CCDC126: variants seen among roughly 807,000 people sequenced by gnomAD.
CCDC126 encodes coiled-coil domain-containing protein 126.
Under a neutral mutation model 11.7 loss-of-function variants are expected in CCDC126, and 5 were observed. That is an observed-to-expected ratio of 0.43 (90% CI 0.22 to 0.90). The LOEUF is 0.90. Ranked by LOEUF, CCDC126 falls within the 40% of genes least tolerant of loss-of-function variation. The pLI, the probability that CCDC126 is intolerant of heterozygous loss-of-function variation, is 0.27. For synonymous variants in CCDC126, 60 were observed against 61.9 expected (o/e 0.97, Z 0.14); for missense variants, 150 against 163.1 (o/e 0.92, Z 0.44).
At chr7:23,623,675 G>A (rs1312447232) in intron 3 of CCDC126, among the ~76,000 whole-genome samples, 2 of 151,856 alleles carry the variant, frequency 1.3e-5, no homozygotes, top group Non-Finnish European at 2.9e-5. Context: ...ACTTTATTGA[G>A]TTCTGTTGTA....
intron 3 of CCDC126, among the ~76,000 whole-genome samples, chr7:23,614,326 G>A (rs1027188287): frequency 2.6e-5 from 4 of 152,088 alleles, no homozygotes; most frequent in South Asian, 2.1e-4. Context: ...TTGCTCTTCC[G>A]TAAGAGCAGC....
At chr7:23,612,101 G>A (rs1007702518) in intron 3 of CCDC126, among the ~76,000 whole-genome samples, 9 of 149,092 alleles carry the variant, frequency 6.0e-5, no homozygotes, top group Non-Finnish European at 1.2e-4. Flanking sequence ...AGCTGAGATC[G>A]CGCCGCTGCA....
intron 3 of CCDC126, 125 bp from the exon 4 acceptor site, chr7:23,642,806 G>A: frequency 4.2e-6 from 3 of 708,884 alleles, no homozygotes; most frequent in South Asian, 4.2e-5. Flanking sequence ...TAGTATGAGT[G>A]CATTCTCTCT....
At chr7:23,633,240 C>T (rs996135055) in intron 3 of CCDC126, among the ~76,000 whole-genome samples, 1 of 152,192 alleles carries the variant, frequency 6.6e-6, no homozygotes, top group African/African-American at 2.4e-5. Context: ...GATCCGCCTG[C>T]CTCGGCCTCC....
chr7:23,600,486 C>CT (rs977109856), intron 2 of CCDC126, among the ~76,000 whole-genome samples: 2 of 147,220 alleles, frequency 1.4e-5, no homozygotes, highest in Non-Finnish European at 3.0e-5. Context: ...CTGTGGAGGA[C>CT]TTTTTTTTGG....
intron 3 of CCDC126, 142 bp downstream of exon 3, chr7:23,611,695 G>A: frequency 1.6e-6 from 1 of 635,186 alleles, no homozygotes; most frequent in Non-Finnish European, 2.8e-6. Context: ...CAAATGTACT[G>A]AAAAATAGAG....
At chr7:23,629,330 C>T (rs986009677) in intron 3 of CCDC126, among the ~76,000 whole-genome samples, 4 of 152,172 alleles carry the variant, frequency 2.6e-5, no homozygotes, top group African/African-American at 7.2e-5. Flanking sequence ...TGTCAGGACA[C>T]CTAGAAGACA....
chr7:23,611,360 T>TTTAC lies in CCDC126; in HGVS notation c.47_50dup (p.Leu18ThrfsTer31), dbSNP rs775068591. ...GAAAAAATATGTCCCAGAAATTGAG[T>TTTAC]TTACTGTTGCTTGTATTTGGACTCA... On this transcript the variant is annotated frameshift_variant, in exon 3 of 4. Transcript: ENST00000307471. LOFTEE classifies it high-confidence loss of function. The TTTAC allele has an allele frequency of 6.2e-7, 1 of 1,613,782 alleles. No homozygotes were observed. The highest frequency in any genetic ancestry group is 8.5e-7 in the Non-Finnish European group (1 of 1,179,752).
At chr7:23,633,456 A>G (rs1054412796) in intron 3 of CCDC126, among the ~76,000 whole-genome samples, 3 of 152,070 alleles carry the variant, frequency 2.0e-5, no homozygotes, top group Admixed American at 2.0e-4. Context: ...ACTTTTACCT[A>G]TGGTGTTCTC....
chr7:23,638,164 A>G (rs1162184611), intron 3 of CCDC126, among the ~76,000 whole-genome samples: 2 of 149,448 alleles, frequency 1.3e-5, no homozygotes, highest in South Asian at 2.1e-4. Context: ...GGCCGCCCCT[A>G]CTGGGAAGTG....
intron 2 of CCDC126, among the ~76,000 whole-genome samples, chr7:23,602,707 C>T (rs1234360016): frequency 6.6e-6 from 1 of 152,122 alleles, no homozygotes; most frequent in East Asian, 1.9e-4. Flanking sequence ...AGACTTTGTA[C>T]TTCCTCCTCT....
At chr7:23,617,100 G>A (rs1172834117) in intron 3 of CCDC126, among the ~76,000 whole-genome samples, 1 of 151,904 alleles carries the variant, frequency 6.6e-6, no homozygotes, top group African/African-American at 2.4e-5. Context: ...TGTAATCCTA[G>A]CACTTTGGGA....
intron 3 of CCDC126, among the ~76,000 whole-genome samples, chr7:23,628,413 G>C (rs533172674): frequency 2.2e-4 from 33 of 152,298 alleles, no homozygotes; most frequent in Non-Finnish European, 3.8e-4. Context: ...ACAAAAGCCT[G>C]TTCTCTCTAG....
At chr7:23,631,676 G>T (rs1783117345) in intron 3 of CCDC126, among the ~76,000 whole-genome samples, 1 of 151,970 alleles carries the variant, frequency 6.6e-6, no homozygotes, top group Admixed American at 6.6e-5. Context: ...CAGGAGAATT[G>T]CTTGAACCCT....
At chr7:23,632,521 A>G (rs766940029) in intron 3 of CCDC126, among the ~76,000 whole-genome samples, 1 of 152,252 alleles carries the variant, frequency 6.6e-6, no homozygotes, top group Non-Finnish European at 1.5e-5. Flanking sequence ...AGGGCAACAT[A>G]GGGATCCTAG....
chr7:23,638,066 C>A (rs1396740389), intron 3 of CCDC126, among the ~76,000 whole-genome samples: 4 of 136,062 alleles, frequency 2.9e-5, no homozygotes, highest in African/African-American at 1.1e-4. Context: ...CTCTGCCTGG[C>A]CAGCCGCCCC....
intron 2 of CCDC126, among the ~76,000 whole-genome samples, chr7:23,599,334 G>C (rs1028502419): frequency 1.3e-5 from 2 of 152,110 alleles, no homozygotes; most frequent in Non-Finnish European, 2.9e-5. Flanking sequence ...GGTTTTCCCT[G>C]GGGCCTCTTT....
chr7:23,610,328 C>G (rs1019716167), intron 2 of CCDC126, among the ~76,000 whole-genome samples: 10 of 152,164 alleles, frequency 6.6e-5, no homozygotes, highest in Admixed American at 2.0e-4. Flanking sequence ...CCTGCCGCCC[C>G]ACCTTCCTGG....
At chr7:23,629,221 G>A (rs1050672125) in intron 3 of CCDC126, among the ~76,000 whole-genome samples, 3 of 152,174 alleles carry the variant, frequency 2.0e-5, no homozygotes, top group Admixed American at 1.3e-4. Context: ...TCTTTGGGAG[G>A]TGATCATGTC....
Sources: allele counts gnomAD v4.1 joint callset (sites outside exome capture counted in the v4.1 genomes callset), GRCh38; gene constraint gnomAD v4.1.1; transcripts MANE v1.5; gene names NCBI Gene and HGNC (gene_info 2026-07-23, HGNC 2026-07-21).